HDAC9: variants seen among roughly 807,000 people sequenced by gnomAD.
HDAC9 encodes the protein MEF-2 interacting transcription repressor (MITR) protein.
In HDAC9, 41 loss-of-function variants were observed where a neutral mutation model predicts 139.4. The ratio of observed to expected loss-of-function variants is 0.29; its 90% confidence interval spans 0.23 to 0.38. HDAC9 has a LOEUF of 0.38. Ranked by LOEUF, HDAC9 falls within the 10% of genes least tolerant of loss-of-function variation. The probability of loss-of-function intolerance (pLI) is 1.00; values close to 1 mark genes in which losing one functional copy is unlikely to be tolerated. For missense variants in HDAC9, 1,147 were observed against 1,297.0 expected, an observed-to-expected ratio of 0.88 and a Z score of 1.78; for synonymous variants, 517 against 476.2, an observed-to-expected ratio of 1.09 and a Z score of -1.12.
intron 8 of HDAC9, among the ~76,000 whole-genome samples, chr7:18,638,549 C>G (rs1386470285): frequency 6.6e-6 from 1 of 152,030 alleles, no homozygotes; most frequent in Non-Finnish European, 1.5e-5. Context: ...GATTCCTGAT[C>G]TAGGAGAAGG....
intron 1 of HDAC9, among the ~76,000 whole-genome samples, chr7:18,487,291 G>T (rs1418921730): frequency 6.6e-6 from 1 of 152,028 alleles, no homozygotes; most frequent in African/African-American, 2.4e-5. Flanking sequence ...TTATATACTG[G>T]TAAAATGAAA....
At chr7:18,478,568 A>C (rs1795305246) in intron 1 of HDAC9, among the ~76,000 whole-genome samples, 1 of 152,232 alleles carries the variant, frequency 6.6e-6, no homozygotes. Context: ...AAAAGAATAC[A>C]TTTAGTTTAA....
At chr7:18,431,038 TCC>T in intron 1 of HDAC9, among the ~76,000 whole-genome samples, 1 of 151,348 alleles carries the variant, frequency 6.6e-6, no homozygotes, top group Admixed American at 6.6e-5. Context: ...TCCTGTCCTG[TCC>T]TGTCCTGTCC....
intron 11 of HDAC9, among the ~76,000 whole-genome samples, chr7:18,657,286 C>T (rs2129052456): frequency 1.3e-5 from 2 of 152,130 alleles, no homozygotes; most frequent in South Asian, 4.2e-4. Flanking sequence ...TGGGTTTGCC[C>T]TGCTTTCCAG....
chr7:18,213,294 C>T (rs185290737), intron 2 of HDAC9, among the ~76,000 whole-genome samples: 1 of 152,118 alleles, frequency 6.6e-6, no homozygotes, highest in Non-Finnish European at 1.5e-5. Flanking sequence ...ACCTCCCCCT[C>T]CATTTTTCTC....
In HDAC9 at chr7:18,364,584, A is replaced by G. The variant is rs533442378; in HGVS notation, c.-42+74069A>G. ...TGGCTCCTGGACCAGCAGCATGGGC[A>G]CCCTGGAAGCTTTCCAGAAATTCAG... On this transcript the variant is annotated intron_variant, in intron 1 of 3. Coordinates refer to the HDAC9 transcript ENST00000413509. Among the ~76,000 whole-genome samples the G allele has an allele frequency of 3.9e-5, 6 of 152,134 alleles. 1 individual carries two copies. The highest frequency in any genetic ancestry group is 1.4e-4 in the African/African-American group (6 of 41,534).
chr7:18,217,219 A>G (rs1350861725), intron 2 of HDAC9, among the ~76,000 whole-genome samples: 1 of 151,962 alleles, frequency 6.6e-6, no homozygotes, highest in African/African-American at 2.4e-5. Flanking sequence ...ACTATACATA[A>G]TATTCTTTAT....
intron 12 of HDAC9, among the ~76,000 whole-genome samples, chr7:18,705,225 A>T (rs1783792603): frequency 6.6e-6 from 1 of 152,172 alleles, no homozygotes; most frequent in Non-Finnish European, 1.5e-5. Flanking sequence ...ACTTGCCAAA[A>T]TGTCAGCCCC....
At chr7:18,537,127 T>A (rs951901324) in intron 2 of HDAC9, among the ~76,000 whole-genome samples, 8 of 152,176 alleles carry the variant, frequency 5.3e-5, no homozygotes, top group Non-Finnish European at 7.4e-5. Flanking sequence ...TTTAAGTGTA[T>A]CCTGAATAAA....
intron 1 of HDAC9, among the ~76,000 whole-genome samples, chr7:18,347,300 C>G (rs1782492666): frequency 6.6e-6 from 1 of 152,162 alleles, no homozygotes; most frequent in Non-Finnish European, 1.5e-5. Context: ...TAGCAACACT[C>G]TTAGTTGTGC....
chr7:18,160,060 A>G (rs1209964428), intron 1 of HDAC9, among the ~76,000 whole-genome samples: 1 of 152,202 alleles, frequency 6.6e-6, no homozygotes, highest in Non-Finnish European at 1.5e-5. Flanking sequence ...AAGTGGGAGA[A>G]GTTAACTGCT....
At chr7:18,704,714 A>G (rs149295976) in intron 12 of HDAC9, among the ~76,000 whole-genome samples, 1 of 152,226 alleles carries the variant, frequency 6.6e-6, no homozygotes, top group Non-Finnish European at 1.5e-5. Flanking sequence ...GATTTTAAAC[A>G]TCTGAGGAGC....
intron 1 of HDAC9, among the ~76,000 whole-genome samples, chr7:18,416,124 A>G (rs1789035265): frequency 1.3e-5 from 2 of 152,040 alleles, no homozygotes; most frequent in Non-Finnish European, 1.5e-5. Context: ...TGGTGAAAGC[A>G]CATCTCTACT....
intron 1 of HDAC9, among the ~76,000 whole-genome samples, chr7:18,312,303 A>G (rs963101771): frequency 1.5e-4 from 23 of 152,246 alleles, no homozygotes; most frequent in African/African-American, 5.3e-4. Context: ...CCTAGAAACA[A>G]TCACTGTTGT....
At chr7:18,778,812 G>C (rs191802739) in intron 16 of HDAC9, among the ~76,000 whole-genome samples, 1 of 152,102 alleles carries the variant, frequency 6.6e-6, no homozygotes, top group East Asian at 1.9e-4. Flanking sequence ...TCTTGTTACT[G>C]GCAAGTAAAT....
At chr7:18,240,384 C>T (rs983340333) in intron 2 of HDAC9, among the ~76,000 whole-genome samples, 1 of 152,052 alleles carries the variant, frequency 6.6e-6, no homozygotes, top group Non-Finnish European at 1.5e-5. Flanking sequence ...AAAGTACCTT[C>T]CTTGTATTGG....
chr7:18,132,458 A>G (rs1346105209), intron 1 of HDAC9, among the ~76,000 whole-genome samples: 1 of 152,050 alleles, frequency 6.6e-6, no homozygotes, highest in Non-Finnish European at 1.5e-5. Context: ...TGCCCAGGTT[A>G]AAGTGCAGCG....
chr7:18,195,755 C>G (rs1015962762), intron 2 of HDAC9, among the ~76,000 whole-genome samples: 1 of 152,074 alleles, frequency 6.6e-6, no homozygotes, highest in African/African-American at 2.4e-5. Context: ...ATTTAATCCT[C>G]TTTTTTGCAG....
At chr7:18,293,552 C>T (rs1456186940) in intron 1 of HDAC9, among the ~76,000 whole-genome samples, 1 of 152,076 alleles carries the variant, frequency 6.6e-6, no homozygotes, top group Non-Finnish European at 1.5e-5. Context: ...TTAGTACTGG[C>T]CACTGCAAAC....
Sources: allele counts gnomAD v4.1 joint callset (sites outside exome capture counted in the v4.1 genomes callset), GRCh38; gene constraint gnomAD v4.1.1; transcripts MANE v1.5; gene names NCBI Gene and HGNC (gene_info 2026-07-23, HGNC 2026-07-21).